Variants in PAPPA2 observed in about 807,000 individuals in gnomAD.
PAPPA2 encodes the protein pappalysin 2, also known as pappalysin-2.
Under a neutral mutation model 176.4 loss-of-function variants are expected in PAPPA2, and 86 were observed. That is an observed-to-expected ratio of 0.49 (90% CI 0.41 to 0.58). The LOEUF is 0.58. Among genes scored for constraint, PAPPA2 ranks in the 20% least tolerant of loss-of-function variants. PAPPA2 has a pLI of 0.00. For synonymous variants in PAPPA2, 809 were observed against 852.2 expected, an observed-to-expected ratio of 0.95 and a Z score of 0.88; for missense variants, 2,073 against 2,256.9, an observed-to-expected ratio of 0.92 and a Z score of 1.65.
chr1:176,720,017 A>G (rs1026996729), intron 12 of PAPPA2, among the ~76,000 whole-genome samples: 2 of 152,236 alleles, frequency 1.3e-5, no homozygotes, highest in Admixed American at 1.3e-4. Context: ...TTGAAGGACC[A>G]GTAATGAAGT....
chr1:176,681,045 G>T (rs1659564047), intron 4 of PAPPA2, among the ~76,000 whole-genome samples: 1 of 151,682 alleles, frequency 6.6e-6, no homozygotes, highest in African/African-American at 2.4e-5. Flanking sequence ...TGAGCTAGGG[G>T]TCTCTAAAAT....
At chr1:176,547,157 A>G (rs570343004) in intron 1 of PAPPA2, among the ~76,000 whole-genome samples, 14 of 152,316 alleles carry the variant, frequency 9.2e-5, no homozygotes, top group African/African-American at 2.9e-4. Context: ...GATAGATGTT[A>G]GCACCTCTCT....
At chr1:176,763,444 T>G (rs572407108) in intron 14 of PAPPA2, among the ~76,000 whole-genome samples, 9 of 152,200 alleles carry the variant, frequency 5.9e-5, no homozygotes, top group Non-Finnish European at 8.8e-5. Context: ...TAATGATATT[T>G]TCATATTTCA....
intron 21 of PAPPA2, among the ~76,000 whole-genome samples, chr1:176,807,113 C>T (rs567088811): frequency 9.2e-5 from 14 of 152,320 alleles, no homozygotes; most frequent in Non-Finnish European, 1.0e-4. Flanking sequence ...CAAGTACCTA[C>T]TGTGTGAATA....
intron 3 of PAPPA2, among the ~76,000 whole-genome samples, chr1:176,638,863 A>G (rs2102722446): frequency 6.6e-6 from 1 of 151,840 alleles, no homozygotes; most frequent in Non-Finnish European, 1.5e-5. Flanking sequence ...CCTGATCTGG[A>G]ACATCCAATC....
chr1:176,463,726 T>G (rs1450709042), intron 1 of PAPPA2, among the ~76,000 whole-genome samples: 1 of 152,214 alleles, frequency 6.6e-6, no homozygotes, highest in African/African-American at 2.4e-5. Context: ...AGGCTGCAAC[T>G]GCTTCTGTGA....
chr1:176,792,107 T>G lies in PAPPA2; in HGVS notation c.5020+625T>G, dbSNP rs76714588. Among the ~76,000 whole-genome samples, 180 of 152,352 alleles carry G rather than the reference T, an allele frequency of 1.2e-3. No individual in the cohort carries two copies. The East Asian group carries it at 0.031, about 26-fold the overall frequency. On this transcript the variant is annotated intron_variant, in intron 19 of 22. Coordinates refer to ENST00000367662, the MANE Select transcript of PAPPA2 (RefSeq NM_020318.3). Reference sequence around the variant, plus strand: ...AATTACTGAAAGAGATGATTTGACATTCCTCTTTCATGCATCATTCTTCAG... The same window carrying G: ...AATTACTGAAAGAGATGATTTGACAGTCCTCTTTCATGCATCATTCTTCAG...
At chr1:176,766,215 A>T (rs551307658) in intron 15 of PAPPA2, among the ~76,000 whole-genome samples, 20 of 152,336 alleles carry the variant, frequency 1.3e-4, no homozygotes, top group Non-Finnish European at 2.8e-4. Context: ...TGTCCACCCC[A>T]CAACAACCCT....
At chr1:176,619,379 G>T (rs1210334767) in intron 3 of PAPPA2, among the ~76,000 whole-genome samples, 2 of 152,186 alleles carry the variant, frequency 1.3e-5, no homozygotes, top group Non-Finnish European at 2.9e-5. Context: ...CAGAGAAAGT[G>T]CATAAGTTTT....
At chr1:176,829,415 G>A (rs1419199075) in intron 21 of PAPPA2, among the ~76,000 whole-genome samples, 1 of 152,234 alleles carries the variant, frequency 6.6e-6, no homozygotes, top group Non-Finnish European at 1.5e-5. Flanking sequence ...GGCTCAGGGA[G>A]CCAAGAAATG....
chr1:176,506,642 A>T (rs1648281748), intron 1 of PAPPA2, among the ~76,000 whole-genome samples: 1 of 151,814 alleles, frequency 6.6e-6, no homozygotes, highest in Admixed American at 6.6e-5. Context: ...GCTTGATTTG[A>T]CTCTCAGCCT....
chr1:176,557,589 C>G (rs1651403563), intron 2 of PAPPA2, among the ~76,000 whole-genome samples: 1 of 152,148 alleles, frequency 6.6e-6, no homozygotes, highest in Admixed American at 6.5e-5. Flanking sequence ...CACTCCATTT[C>G]CGGTAGACCA....
chr1:176,599,508 CT>C (rs10592905), intron 3 of PAPPA2, among the ~76,000 whole-genome samples: 7,995 of 129,188 alleles, frequency 0.062, 660 homozygotes, highest in African/African-American at 0.2. Flanking sequence ...GTTTGTTCTA[CT>C]TTTTTTTTTT....
At chr1:176,472,662 A>G (rs1457640528) in intron 1 of PAPPA2, among the ~76,000 whole-genome samples, 1 of 152,186 alleles carries the variant, frequency 6.6e-6, no homozygotes, top group Non-Finnish European at 1.5e-5. Context: ...ATATATTTTT[A>G]GATAAAAAAT....
At chr1:176,814,544 T>A (rs1440403656) in intron 21 of PAPPA2, among the ~76,000 whole-genome samples, 1 of 152,120 alleles carries the variant, frequency 6.6e-6, no homozygotes, top group Non-Finnish European at 1.5e-5. Flanking sequence ...TTCTTTGTAG[T>A]AATTGTGAAT....
intron 14 of PAPPA2, among the ~76,000 whole-genome samples, chr1:176,746,670 T>G (rs992570784): frequency 6.6e-6 from 1 of 152,224 alleles, no homozygotes; most frequent in Non-Finnish European, 1.5e-5. Flanking sequence ...TATTAGTTTA[T>G]TCAGTATAAA....
rs1658636143 is a variant in PAPPA2 at position 176,666,287 on chromosome 1, TA to T, written c.1992-4676del. Among the ~76,000 whole-genome samples the T allele has an allele frequency of 2.6e-5, 4 of 152,144 alleles. No homozygotes were observed. The South Asian group carries it at 8.3e-4, about 32-fold the overall frequency. On this transcript the variant is annotated intron_variant, in intron 3 of 22. Coordinates refer to ENST00000367662, the MANE Select transcript of PAPPA2 (RefSeq NM_020318.3). Reference sequence around the variant, plus strand: ...AGGTTCCAATAAGAGAATGATTTTTTAAAAAAATTTCCTGGGCAGAGAAACT... The same window carrying T: ...AGGTTCCAATAAGAGAATGATTTTTTAAAAAATTTCCTGGGCAGAGAAACT...
intron 8 of PAPPA2, among the ~76,000 whole-genome samples, chr1:176,701,758 T>C (rs992256802): frequency 2.6e-5 from 4 of 152,300 alleles, no homozygotes; most frequent in African/African-American, 9.6e-5. Flanking sequence ...TTTCACTAAG[T>C]AACTCCCATC....
At chr1:176,786,702 G>A (rs991398249) in intron 17 of PAPPA2, among the ~76,000 whole-genome samples, 5 of 152,210 alleles carry the variant, frequency 3.3e-5, no homozygotes, top group Non-Finnish European at 7.3e-5. Flanking sequence ...GGCTTCTGCT[G>A]TGAGCAAACC....
Sources: allele counts gnomAD v4.1 joint callset (sites outside exome capture counted in the v4.1 genomes callset), GRCh38; gene constraint gnomAD v4.1.1; transcripts MANE v1.5; gene names NCBI Gene and HGNC (gene_info 2026-07-23, HGNC 2026-07-21).